DNAH12: variants seen among roughly 807,000 people sequenced by gnomAD.
The protein encoded by DNAH12 is axonemal beta dynein heavy chain 12.
Under a neutral mutation model 371.5 loss-of-function variants are expected in DNAH12, and 285 were observed. That is an observed-to-expected ratio of 0.77 (90% CI 0.70 to 0.85). The LOEUF is 0.85. DNAH12 is among the 40% of genes least tolerant of loss of function. DNAH12 has a pLI of 0.00. For synonymous variants in DNAH12, 1,200 were observed against 1,213.0 expected, an observed-to-expected ratio of 0.99 and a Z score of 0.22; for missense variants, 3,611 against 3,689.4, an observed-to-expected ratio of 0.98 and a Z score of 0.55.
chr3:57,475,021 T>G (rs1443696672), intron 13 of DNAH12, among the ~76,000 whole-genome samples: 1 of 148,390 alleles, frequency 6.7e-6, no homozygotes, highest in Non-Finnish European at 1.5e-5. Flanking sequence ...TCAAAACAGA[T>G]CTACACATAT....
At chr3:57,311,515 A>G (rs929231605) in intron 66 of DNAH12, among the ~76,000 whole-genome samples, 6 of 152,266 alleles carry the variant, frequency 3.9e-5, no homozygotes, top group Non-Finnish European at 7.3e-5. Flanking sequence ...ATGAATGTGG[A>G]TAAACCTTGT....
At chr3:57,535,081 A>T (rs1037386893) in intron 2 of DNAH12, among the ~76,000 whole-genome samples, 2 of 152,232 alleles carry the variant, frequency 1.3e-5, no homozygotes, top group African/African-American at 4.8e-5. Context: ...ACATGAAGAT[A>T]AATTAGGTAA....
chr3:57,419,799 T>G (rs2153360000), intron 36 of DNAH12, among the ~76,000 whole-genome samples: 1 of 152,322 alleles, frequency 6.6e-6, no homozygotes, highest in East Asian at 1.9e-4. Flanking sequence ...TTATCACATA[T>G]TCAACATATC....
At chr3:57,298,355 G>A (rs1012694935) in intron 70 of DNAH12, among the ~76,000 whole-genome samples, 22 of 152,232 alleles carry the variant, frequency 1.4e-4, no homozygotes, top group Admixed American at 1.0e-3. Context: ...TTGGGTGGAT[G>A]TGAGGCCAGA....
intron 8 of DNAH12, among the ~76,000 whole-genome samples, chr3:57,506,564 C>T (rs2067766457): frequency 1.3e-5 from 2 of 152,146 alleles, no homozygotes; most frequent in Non-Finnish European, 2.9e-5. Flanking sequence ...GCCTCAGCCT[C>T]CTGAGTGGCT....
At chr3:57,359,559 C>CAAAA (rs1268515074) in intron 58 of DNAH12, among the ~76,000 whole-genome samples, 331 of 70,138 alleles carry the variant, frequency 4.7e-3, no homozygotes, top group East Asian at 8.9e-3. Context: ...AACTCCATCT[C>CAAAA]AAAAAAAAAA....
At chr3:57,511,720 G>A (rs2068005636) in intron 4 of DNAH12, among the ~76,000 whole-genome samples, 1 of 152,114 alleles carries the variant, frequency 6.6e-6, no homozygotes, top group Non-Finnish European at 1.5e-5. Flanking sequence ...ACAGGTGTAT[G>A]GATAGACAGA....
At chr3:57,356,654 GAGT>G (rs1474691579) in intron 59 of DNAH12, among the ~76,000 whole-genome samples, 16 of 151,970 alleles carry the variant, frequency 1.1e-4, no homozygotes, top group Non-Finnish European at 2.4e-4. Flanking sequence ...CCTAAATCTT[GAGT>G]AGGAGTGAAA....
chr3:57,549,795 T>C, the DNAH12 span, among the ~76,000 whole-genome samples: 2 of 151,658 alleles, frequency 1.3e-5, no homozygotes, highest in Non-Finnish European at 2.9e-5. Context: ...AGCTAATTTT[T>C]GTATTTTTGG....
chr3:57,383,369 T>C lies in DNAH12; in HGVS notation c.7861-976A>G, dbSNP rs1368591012. 3.9e-5 allele frequency among the ~76,000 whole-genome samples: 6 copies of C among 152,222 alleles called. No individual in the cohort carries two copies. The East Asian group carries it at 9.7e-4, about 25-fold the overall frequency. ...CAATGAAAGGGGAACCTAATATTAA[T>C]GACCTAAATTGGTGAGAGTTTGAAG... On this transcript the variant is annotated intron_variant, in intron 49 of 73. Transcript: ENST00000495027.
intron 4 of DNAH12, among the ~76,000 whole-genome samples, chr3:57,513,649 A>G (rs1400401619): frequency 1.3e-5 from 2 of 152,226 alleles, no homozygotes; most frequent in African/African-American, 4.8e-5. Context: ...GATATAAACT[A>G]ACATTTCACA....
In DNAH12 at chr3:57,419,376, G is replaced by T; in HGVS notation, c.5705C>A (p.Thr1902Asn). Residue 1902 changes from threonine to asparagine, a missense_variant, in exon 37 of 74, where the codon ACC becomes AAC. Thr to Asn is a moderately conservative substitution (Grantham distance 65). Transcript: ENST00000495027. The stretch of plus-strand genomic sequence containing the variant: ...TAGCAGAGTTCCTTACTTTGCATAG[G>T]TAATACTCAAATCCATTAGAAACGT... The part of the protein sequence containing the change: ...RYTFLMDLSI[T>N]YAKPLLFVGP... 1 of 1,498,422 alleles carries T rather than the reference G, an allele frequency of 6.7e-7. No homozygotes were observed. Among genetic ancestry groups the T allele is most frequent in the African/African-American group, 1.4e-5 (1 of 69,308 alleles). 92.8% of individuals were successfully genotyped at this position (1,498,422 alleles called of 1,614,324 possible).
At chr3:57,351,966 G>A (rs2062686146) in intron 60 of DNAH12, 119 bp downstream of exon 60, 1 of 1,050,548 alleles carries the variant, frequency 9.5e-7, no homozygotes. Context: ...AAATGCACAA[G>A]TAAAATCATG....
intron 46 of DNAH12, 85 bp downstream of exon 46, chr3:57,386,977 GTACAGTAGGAAAGGGGATAGCAGA>G (rs1337425786): frequency 6.6e-6 from 1 of 152,226 alleles, no homozygotes; most frequent in Non-Finnish European, 1.5e-5. Flanking sequence ...ACCAGGTTAA[GTACAGTAGGAAAGGGGATAGCAGA>G]TAAGATAGCA....
chr3:57,374,249 G>A (rs1158732184), intron 55 of DNAH12, among the ~76,000 whole-genome samples: 1 of 151,922 alleles, frequency 6.6e-6, no homozygotes, highest in Non-Finnish European at 1.5e-5. Flanking sequence ...CTATAAAATG[G>A]GATAATAATA....
intron 59 of DNAH12, among the ~76,000 whole-genome samples, chr3:57,356,521 C>A (rs898792585): frequency 4.3e-4 from 65 of 150,914 alleles, no homozygotes; most frequent in African/African-American, 1.4e-3. Context: ...GGGACTGAAG[C>A]CTTTTAGAGA....
intron 43 of DNAH12, among the ~76,000 whole-genome samples, chr3:57,401,478 C>T (rs376083476): frequency 2.1e-5 from 3 of 145,768 alleles, no homozygotes; most frequent in East Asian, 2.1e-4. Context: ...ACAGGAGAAT[C>T]GCTTGAACCT....
rs1228231834 is a variant in DNAH12, at chr3:57,382,408, C to A, written c.7861-15G>T. The A allele has an allele frequency of 6.6e-6, 1 of 150,978 alleles. No homozygotes were observed. Among genetic ancestry groups the A allele is most frequent in the Non-Finnish European group, 1.5e-5 (1 of 67,758 alleles). 9.4% of individuals were successfully genotyped at this position (150,978 alleles called of 1,614,324 possible). A position where few individuals can be genotyped will look rare whatever the true frequency, so the allele number is the denominator to read the frequency against. ...ATGTCGGCTGGCTAAAAGAAAAAAACAAAAAACAAACAGGACATATTCAGA... is the reference window on the plus strand; with the variant it reads ...ATGTCGGCTGGCTAAAAGAAAAAAAAAAAAAACAAACAGGACATATTCAGA... On this transcript the variant is annotated splice_polypyrimidine_tract_variant and intron_variant, in intron 49 of 73. Transcript: ENST00000495027.
intron 18 of DNAH12, among the ~76,000 whole-genome samples, chr3:57,462,267 T>C (rs1175649580): frequency 6.8e-6 from 1 of 146,340 alleles, no homozygotes; most frequent in African/African-American, 2.5e-5. Context: ...TGTTTTGTTT[T>C]TGAGACAGAG....
Sources: gnomAD v4.1 joint callset for allele counts (sites outside exome capture counted in the v4.1 genomes callset) on GRCh38, gnomAD v4.1.1 for gene constraint, MANE v1.5 for transcripts, NCBI Gene and HGNC (gene_info 2026-07-23, HGNC 2026-07-21) for gene names.